The following MAGEB1 variants were observed in gnomAD, a reference collection of about 807,000 sequenced individuals.
MAGEB1 encodes melanoma-associated antigen B1.
For synonymous variants in MAGEB1, 99 were observed against 105.7 expected, an observed-to-expected ratio of 0.94 and a Z score of 0.39; for missense variants, 290 against 286.7, an observed-to-expected ratio of 1.01 and a Z score of -0.08.
chrX:30,247,856 A>G lies in MAGEB1; in HGVS notation c.-61+600A>G, dbSNP rs188269924. ...CTACTCAGGAGGCTGAGGCAGGAGA[A>G]TGGCGTGAACCCGGGAAGCGGAGCT... On this transcript the variant is annotated intron_variant, in intron 1 of 1. Coordinates refer to ENST00000397548, the MANE Select transcript of MAGEB1 (RefSeq NM_177404.3). 9.4e-3 allele frequency among the ~76,000 whole-genome samples: 994 copies of G among 105,190 alleles called. 20 individuals carry two copies. Among genetic ancestry groups the G allele is most frequent in the Admixed American group, 0.047 (453 of 9,615 alleles). The allele number at this position is 105,190 out of a possible 115,157, so 91.3% of individuals were successfully genotyped here. A position where few individuals can be genotyped will look rare whatever the true frequency, so the allele number is the denominator to read the frequency against.
upstream of MAGEB1, among the ~76,000 whole-genome samples, chrX:30,245,082 T>C (rs1343966283): frequency 9.0e-6 from 1 of 111,332 alleles, no homozygotes; most frequent in Admixed American, 9.5e-5. Context: ...ATAAGACTGG[T>C]TTGGATGAAA....
intron 1 of MAGEB1, among the ~76,000 whole-genome samples, chrX:30,249,042 C>G (rs1295679505): frequency 9.0e-6 from 1 of 111,364 alleles, no homozygotes; most frequent in Non-Finnish European, 1.9e-5. Flanking sequence ...CCTCTCAGCT[C>G]TGGGAAACCC....
chrX:30,245,481 T>G (rs748262033), upstream of MAGEB1, among the ~76,000 whole-genome samples: 1 of 111,863 alleles, frequency 8.9e-6, no homozygotes, highest in East Asian at 2.8e-4. Context: ...TGTGCCCAAG[T>G]TCACACAGCT....
chrX:30,245,554 A>G (rs1925279212), upstream of MAGEB1, among the ~76,000 whole-genome samples: 1 of 110,704 alleles, frequency 9.0e-6, no homozygotes, highest in Admixed American at 9.6e-5. Flanking sequence ...ACACTGTTCC[A>G]CTCCTCCCAA....
At chrX:30,244,195 G>A (rs777493241), upstream of MAGEB1, 1 of 123,627 alleles carries the variant, frequency 8.1e-6, no homozygotes, top group Non-Finnish European at 1.9e-5. Context: ...AAAGTAAAAT[G>A]TGGTCAATTC....
At position 30,251,145 on chromosome X, in the gene MAGEB1, G is replaced by C. The variant is rs756286754; in HGVS notation, c.652G>C (p.Glu218Gln). The change falls in exon 2 of 2, where the codon GAA (glutamate) becomes CAA (glutamine). Residue 218 changes from glutamate (E) to glutamine (Q), a missense_variant. Coordinates refer to ENST00000397548, the MANE Select transcript of MAGEB1 (RefSeq NM_177404.3). ...CTTAAAGGGCAACTCTGCCACCGAG[G>C]AAGAGATCTGGAAATTCATGAATGT... ...IFLKGNSATEEEIWKFMNVLG... is the reference protein window; with the variant it reads ...IFLKGNSATEQEIWKFMNVLG... 8.3e-7 allele frequency: 1 copy of C among 1,211,717 alleles called. No homozygotes were observed.
intron 1 of MAGEB1, 62 bp from the exon 2 acceptor site, chrX:30,250,372 A>G: frequency 1.6e-6 from 1 of 619,098 alleles, no homozygotes; most frequent in Non-Finnish European, 2.4e-6. Flanking sequence ...GTGGCTCTCT[A>G]AAAGCCAAGG....
chrX:30,248,608 G>T (rs1017281704), intron 1 of MAGEB1, among the ~76,000 whole-genome samples: 1 of 111,529 alleles, frequency 9.0e-6, no homozygotes, highest in Non-Finnish European at 1.9e-5. Flanking sequence ...CAAGAAAGAG[G>T]TAACACAGAT....
Position 30,250,636 on chromosome X carries a change from C to T in MAGEB1, c.143C>T (p.Thr48Ile), listed in dbSNP as rs371843312. The T allele has an allele frequency of 8.3e-7, 1 of 1,208,885 alleles. No homozygotes were observed. Among genetic ancestry groups the T allele is most frequent in the Non-Finnish European group, 1.1e-6 (1 of 894,426 alleles). Residue 48 changes from threonine to isoleucine, a missense_variant, in exon 2 of 2, where the codon ACT (threonine) becomes ATT (isoleucine). Thr to Ile is a moderately conservative substitution (Grantham distance 89). Transcript: ENST00000397548. ...CPSSSPVLGDTPTSSPAAGIP... is the reference protein window; with the variant it reads ...CPSSSPVLGDIPTSSPAAGIP... ...TCCTCCTCTCCTGTTTTAGGGGATA[C>T]TCCCACAAGCTCCCCTGCTGCTGGC...
intron 1 of MAGEB1, among the ~76,000 whole-genome samples, chrX:30,249,301 A>T (rs1183560633): frequency 9.0e-6 from 1 of 111,356 alleles, no homozygotes; most frequent in Non-Finnish European, 1.9e-5. Flanking sequence ...AATCTGATGT[A>T]AGGGGCCTCA....
Position 30,251,094 on chromosome X carries a change from C to G in MAGEB1, c.601C>G (p.Leu201Val), listed in dbSNP as rs1239137414. ...TTGGGACTTTCCCAGGAATGGGCTT[C>G]TGATGCCTCTCCTGGGTGTGATCTT... Reference protein sequence around the residue: ...NDWDFPRNGLLMPLLGVIFLK... With the variant: ...NDWDFPRNGLVMPLLGVIFLK... Residue 201 changes from leucine to valine, a missense_variant, in exon 2 of 2, where the codon CTG becomes GTG. Leu to Val is a conservative substitution (Grantham distance 32). Coordinates refer to ENST00000397548, the MANE Select transcript of MAGEB1 (RefSeq NM_177404.3). 2 of 1,208,862 alleles carry G rather than the reference C, an allele frequency of 1.7e-6. No homozygotes were observed. The highest frequency in any genetic ancestry group is 2.2e-5 in the Admixed American group (1 of 45,722).
rs1191722764 is a variant in MAGEB1 at position 30,251,898 on chromosome X, C to A, written c.*361C>A. 6.2e-6 allele frequency: 1 copy of A among 162,237 alleles called. No homozygotes were observed. The highest frequency in any genetic ancestry group is 3.1e-5 in the African/African-American group (1 of 32,515). The allele number at this position is 162,237 out of a possible 1,213,427, so 13.4% of individuals were successfully genotyped here. A position where few individuals can be genotyped will look rare whatever the true frequency, so the allele number is the denominator to read the frequency against. ...GAACCTCACACAACATAATTGGAGTCTTAAAATAGAGGAAGAGTAAGCAAA... is the reference window on the plus strand; with the variant it reads ...GAACCTCACACAACATAATTGGAGTATTAAAATAGAGGAAGAGTAAGCAAA... On this transcript the variant is annotated 3_prime_UTR_variant, in exon 2 of 2. Coordinates refer to ENST00000397548, the MANE Select transcript of MAGEB1 (RefSeq NM_177404.3).
At chrX:30,244,017 TATATC>T (rs1925228113), upstream of MAGEB1, 1 of 123,811 alleles carries the variant, frequency 8.1e-6, no homozygotes, top group African/African-American at 3.2e-5. Flanking sequence ...TTTATTAAAA[TATATC>T]AGGTTGGAGA....
chrX:30,247,846 AG>A (rs1925375710), intron 1 of MAGEB1, among the ~76,000 whole-genome samples: 1 of 105,384 alleles, frequency 9.5e-6, no homozygotes, highest in Non-Finnish European at 1.9e-5. Context: ...CAGGAGGCTG[AG>A]GCAGGAGAAT....
rs925062826 is a variant in MAGEB1, at chrX:30,247,177, CAGCG to C, written c.-135_-132del. 1.9e-5 allele frequency: 2 copies of C among 105,139 alleles called. No homozygotes were observed. Among genetic ancestry groups the C allele is most frequent in the Non-Finnish European group, 2.0e-5 (1 of 50,926 alleles). The allele number at this position is 105,139 out of a possible 1,213,427, so 8.7% of individuals were successfully genotyped here. On this transcript the variant is annotated 5_prime_UTR_variant, in exon 1 of 2. Coordinates refer to ENST00000397548, the MANE Select transcript of MAGEB1 (RefSeq NM_177404.3). ...ACTTCCGCTTTGAAGGCGAGGACCC[CAGCG>C]AGCGTAAGGGCGCAGTGTCCGCCTG...
At chrX:30,249,541 C>G (rs1172058872) in intron 1 of MAGEB1, among the ~76,000 whole-genome samples, 1 of 111,568 alleles carries the variant, frequency 9.0e-6, no homozygotes, top group Non-Finnish European at 1.9e-5. Context: ...TAGGCCCTCC[C>G]AGGAGTCAAA....
chrX:30,247,758 C>G (rs1434170058), intron 1 of MAGEB1, among the ~76,000 whole-genome samples: 1 of 110,344 alleles, frequency 9.1e-6, no homozygotes, highest in Admixed American at 9.5e-5. Context: ...TCCTGGCTAA[C>G]ACGGTGAAAC....
rs780700430 is a variant in MAGEB1, at chrX:30,251,439, C to G, written c.946C>G (p.Gln316Glu). The change falls in exon 2 of 2, where the codon CAA becomes GAA. Residue 316 changes from glutamine to glutamate, a missense_variant. Physicochemically the swap from Gln to Glu is conservative, Grantham distance 29. Transcript: ENST00000397548. ...TTTGAGAGATGAGGAAGAGAGAGCC[C>G]AAGTCCGATCCAGTGTTAGAGCCAG... Reference protein sequence around the residue: ...EALRDEEERAQVRSSVRARRR... With the variant: ...EALRDEEERAEVRSSVRARRR... The G allele has an allele frequency of 2.5e-6, 3 of 1,209,716 alleles. No individual in the cohort carries two copies. In the African/African-American group the frequency reaches 5.3e-5, roughly 21 times the overall value.
In MAGEB1 at chrX:30,251,141, C is replaced by A. The variant is rs758156488; in HGVS notation, c.648C>A (p.Thr216=). 35 of 1,209,700 alleles carry A rather than the reference C, an allele frequency of 2.9e-5. No homozygotes were observed. The Admixed American group carries it at 7.6e-4, about 26-fold the overall frequency. Residue 216 remains threonine, a synonymous_variant, in exon 2 of 2, where the codon ACC becomes ACA. Coordinates refer to ENST00000397548, the MANE Select transcript of MAGEB1 (RefSeq NM_177404.3). ...GVIFLKGNSA[T]EEEIWKFMNV... ...TCTTCTTAAAGGGCAACTCTGCCAC[C>A]GAGGAAGAGATCTGGAAATTCATGA... is the stretch of plus-strand genomic sequence containing the variant.
Sources: gnomAD v4.1 joint callset for allele counts (sites outside exome capture counted in the v4.1 genomes callset) on GRCh38, gnomAD v4.1.1 for gene constraint, MANE v1.5 for transcripts, NCBI Gene and HGNC (gene_info 2026-07-23, HGNC 2026-07-21) for gene names.